Variants in TNKS2 observed in about 807,000 individuals in gnomAD.
TNKS2 encodes the protein poly [ADP-ribose] polymerase tankyrase-2.
TNKS2 carries 72 observed loss-of-function variants against 137.6 expected under a neutral mutation model. The observed-to-expected ratio is 0.52, with a 90% CI of 0.43 to 0.64. The LOEUF is 0.64. Ranked by LOEUF, TNKS2 falls within the 30% of genes least tolerant of loss-of-function variation. The probability of loss-of-function intolerance (pLI) is 0.00; values close to 1 mark genes in which losing one functional copy is unlikely to be tolerated. For missense variants in TNKS2, 1,049 were observed against 1,410.2 expected, an observed-to-expected ratio of 0.74 and a Z score of 4.10; for synonymous variants, 516 against 512.1, an observed-to-expected ratio of 1.01 and a Z score of -0.10.
chr10:91,803,470 C>T (rs1844238602), intron 1 of TNKS2, among the ~76,000 whole-genome samples: 1 of 152,124 alleles, frequency 6.6e-6, no homozygotes, highest in African/African-American at 2.4e-5. Flanking sequence ...GGCGAAACCC[C>T]ATCTCTACAA....
chr10:91,810,293 G>A (rs556781187), intron 1 of TNKS2, among the ~76,000 whole-genome samples: 10 of 151,926 alleles, frequency 6.6e-5, no homozygotes, highest in East Asian at 2.0e-4. Context: ...CAGGAGAATC[G>A]CTTAAGCCTG....
At chr10:91,807,694 G>A (rs1844370682) in intron 1 of TNKS2, among the ~76,000 whole-genome samples, 1 of 152,118 alleles carries the variant, frequency 6.6e-6, no homozygotes, top group Admixed American at 6.6e-5. Context: ...GTCCTTCATG[G>A]AACTAAGAGT....
chr10:91,812,288 A>T (rs543104744), intron 1 of TNKS2, among the ~76,000 whole-genome samples: 1 of 152,156 alleles, frequency 6.6e-6, no homozygotes, highest in Non-Finnish European at 1.5e-5. Context: ...AAATTACCAG[A>T]CTTTTTTTGT....
intron 25 of TNKS2, among the ~76,000 whole-genome samples, chr10:91,860,627 G>A (rs549268525): frequency 1.3e-5 from 2 of 152,280 alleles, no homozygotes; most frequent in Non-Finnish European, 2.9e-5. Context: ...TCTTTTAATT[G>A]GTCTGGGGCA....
chr10:91,857,639 A>G, intron 24 of TNKS2, 109 bp downstream of exon 24: 1 of 512,216 alleles, frequency 2.0e-6, no homozygotes. Context: ...CAGTATTTTA[A>G]GATAAACCTA....
intron 16 of TNKS2, 120 bp downstream of exon 16, chr10:91,842,511 CA>C (rs1842240117): frequency 2.3e-6 from 2 of 852,188 alleles, no homozygotes; most frequent in Admixed American, 4.9e-5. Context: ...TGGTGGCTCA[CA>C]CTTGTAATCC....
At chr10:91,856,805 C>G (rs1842719005) in intron 23 of TNKS2, among the ~76,000 whole-genome samples, 1 of 152,150 alleles carries the variant, frequency 6.6e-6, no homozygotes, top group South Asian at 2.1e-4. Flanking sequence ...CCATCAGCTT[C>G]CAGGTGTGCT....
At chr10:91,853,678 T>G (rs1053212047) in intron 21 of TNKS2, among the ~76,000 whole-genome samples, 15 of 152,234 alleles carry the variant, frequency 9.9e-5, no homozygotes, top group African/African-American at 3.6e-4. Context: ...AGTCAAGCAT[T>G]TGTCACAGTC....
At chr10:91,807,379 C>T (rs1844358112) in intron 1 of TNKS2, 2 of 1,614,168 alleles carry the variant, frequency 1.2e-6, no homozygotes, top group African/African-American at 1.3e-5. Context: ...TTCATAGGGT[C>T]AGCGAGGTAA....
At chr10:91,806,574 C>T in intron 1 of TNKS2, among the ~76,000 whole-genome samples, 1 of 151,908 alleles carries the variant, frequency 6.6e-6, no homozygotes, top group African/African-American at 2.4e-5. Flanking sequence ...ACTACAAATC[C>T]CTTATATTAA....
Position 91,819,573 on chromosome 10 carries a change from A to T in TNKS2, c.633+16A>T. ...TGGCAGAAAGGTACTTCCTTTTGCA[A>T]CTGAGTTTGTGCTTATCTCCTGGTA... On this transcript the variant is annotated intron_variant, in intron 5 of 26. Coordinates refer to ENST00000371627, the MANE Select transcript of TNKS2 (RefSeq NM_025235.4). The T allele has an allele frequency of 6.4e-7, 1 of 1,565,452 alleles. No homozygotes were observed. Among genetic ancestry groups the T allele is most frequent in the Non-Finnish European group, 8.6e-7 (1 of 1,160,708 alleles).
At position 91,856,054 on chromosome 10, in the gene TNKS2, A is replaced by AT. The variant is rs533076999; in HGVS notation, c.2988+373dup. Among the ~76,000 whole-genome samples the AT allele has an allele frequency of 9.7e-4, 148 of 152,098 alleles. 1 individual carries two copies. Among genetic ancestry groups the AT allele is most frequent in the African/African-American group, 3.4e-3 (142 of 41,492 alleles). On this transcript the variant is annotated intron_variant, in intron 23 of 26. Coordinates refer to ENST00000371627, the MANE Select transcript of TNKS2 (RefSeq NM_025235.4). ...CCATCTTTATAGTCATACAATGCTT[A>AT]TTTTTTTATCCTGATTGACTACAGG...
chr10:91,851,186 A>G (rs1261274639), intron 20 of TNKS2, 30 bp from the exon 21 acceptor site: 2 of 1,611,572 alleles, frequency 1.2e-6, no homozygotes, highest in Admixed American at 1.7e-5. Flanking sequence ...ATAAGTAAGC[A>G]TTCTAAGTAG....
intron 21 of TNKS2, among the ~76,000 whole-genome samples, chr10:91,853,691 T>C (rs1469468423): frequency 6.6e-6 from 1 of 152,252 alleles, no homozygotes; most frequent in Admixed American, 6.5e-5. Context: ...TCACAGTCTT[T>C]ATTCTGTAAA....
In TNKS2 at chr10:91,813,060, A is replaced by T. The variant is rs779033134; in HGVS notation, c.277A>T (p.Ile93Phe). ...NVQARDDGGL[I>F]PLHNACSFGH... ...CCAAGCACGTGATGATGGGGGCCTTATTCCTCTTCATAATGCATGCTCTTT... is the reference window on the plus strand; with the variant it reads ...CCAAGCACGTGATGATGGGGGCCTTTTTCCTCTTCATAATGCATGCTCTTT... Residue 93 changes from isoleucine to phenylalanine, a missense_variant, in exon 2 of 27, where the codon ATT becomes TTT. Physicochemically the swap from Ile to Phe is conservative, Grantham distance 21. Coordinates refer to ENST00000371627, the MANE Select transcript of TNKS2 (RefSeq NM_025235.4). The T allele has an allele frequency of 1.2e-5, 19 of 1,614,154 alleles. No homozygotes were observed. Among genetic ancestry groups the T allele is most frequent in the Non-Finnish European group, 1.6e-5 (19 of 1,180,028 alleles).
chr10:91,833,860 C>T lies in TNKS2; in HGVS notation c.1283C>T (p.Ala428Val), dbSNP rs1416148702. ...VVVKHEAKVN[A>V]LDNLGQTSLH... is the part of the protein sequence containing the mutation. ...TTTTTCTGCTTTGTTAAGGTTAATG[C>T]TCTGGATAATCTTGGTCAGACTTCT... Residue 428 changes from alanine to valine, a missense_variant, in exon 12 of 27, where the codon GCT becomes GTT. Physicochemically the swap from Ala to Val is moderately conservative, Grantham distance 64 (BLOSUM62 0). This residue lies in a region of TNKS2 where 328 missense variants were observed against 436.0 expected (regional missense o/e 0.75). Coordinates refer to ENST00000371627, the MANE Select transcript of TNKS2 (RefSeq NM_025235.4). 6.3e-7 allele frequency: 1 copy of T among 1,589,960 alleles called. No individual in the cohort carries two copies. The highest frequency in any genetic ancestry group is 8.5e-7 in the Non-Finnish European group (1 of 1,172,108).
chr10:91,846,195 A>G (rs567395232), intron 18 of TNKS2, among the ~76,000 whole-genome samples: 1 of 152,346 alleles, frequency 6.6e-6, no homozygotes, highest in Admixed American at 6.5e-5. Context: ...AGTACATGAT[A>G]TAACTGCTTA....
chr10:91,801,485 T>TC (rs1490180081), intron 1 of TNKS2, among the ~76,000 whole-genome samples: 3 of 151,996 alleles, frequency 2.0e-5, no homozygotes, highest in Non-Finnish European at 4.4e-5. Context: ...TTTTTCTTTT[T>TC]TTTTTTGAGA....
intron 1 of TNKS2, chr10:91,807,084 C>G: frequency 1.4e-6 from 2 of 1,450,154 alleles, no homozygotes; most frequent in South Asian, 2.5e-5. Flanking sequence ...GAACAGTCCA[C>G]TTAGTTACAT....
Sources: gnomAD v4.1 joint callset for allele counts (sites outside exome capture counted in the v4.1 genomes callset) on GRCh38, gnomAD v4.1.1 for gene constraint, gnomAD v4.1.1 regional missense constraint, MANE v1.5 for transcripts, NCBI Gene and HGNC (gene_info 2026-07-23, HGNC 2026-07-21) for gene names.